Variants in SIX2 observed in about 807,000 individuals in gnomAD.
SIX2 encodes the protein SIX homeobox 2.
Under a neutral mutation model 22.8 loss-of-function variants are expected in SIX2, and 20 were observed. That is an observed-to-expected ratio of 0.88 (90% CI 0.62 to 1.28). The LOEUF (loss-of-function observed/expected upper bound fraction) is 1.28. Among genes scored for constraint, SIX2 ranks in the 50% most tolerant of loss-of-function variants. SIX2 has a pLI of 0.00. For missense variants in SIX2, 360 were observed against 400.0 expected (o/e 0.90, Z 0.85); for synonymous variants, 195 against 186.4 (o/e 1.05, Z -0.37).
chr2:45,009,019 C>G lies in SIX2; in HGVS notation c.92G>C (p.Gly31Ala). The change falls in exon 1 of 2, where the codon GGC becomes GCC. Residue 31 changes from glycine to alanine, a missense_variant. By Grantham distance (60) the Gly-to-Ala change is moderately conservative (BLOSUM62 0). Around this residue, in one of 3 missense-constraint regions of SIX2, gnomAD observed 118 missense variants for 135.1 expected, o/e 0.87. Transcript: ENST00000303077. ...LQQGGNIERL[G>A]RFLWSLPACE... is the part of the protein sequence containing the mutation. ...GGCGGGCAGCGACCACAGGAAGCGG[C>G]CCAGCCGCTCGATGTTGCCGCCCTG... is the stretch of plus-strand genomic sequence containing the variant. The G allele has an allele frequency of 1.2e-6, 2 of 1,610,806 alleles. No homozygotes were observed. Among genetic ancestry groups the G allele is most frequent in the Non-Finnish European group, 1.7e-6 (2 of 1,179,720 alleles).
chr2:45,006,132 C>T lies in SIX2; in HGVS notation c.*38G>A. On this transcript the variant is annotated 3_prime_UTR_variant, in exon 2 of 2. Transcript: ENST00000303077. The surrounding 1 kb of genome is among the most constrained non-coding windows in gnomAD (Gnocchi z 4.2). ...CACCGCCACTCCACGTCCCCAGTGT[C>T]AAGTCACAAAAGGCAAGCTCATCAA... The T allele has an allele frequency of 6.2e-7, 1 of 1,609,898 alleles. No homozygotes were observed. Among genetic ancestry groups the T allele is most frequent in the African/African-American group, 1.3e-5 (1 of 75,012 alleles).
At chr2:45,008,512 C>G in intron 1 of SIX2, 39 bp downstream of exon 1, 1 of 1,604,404 alleles carries the variant, frequency 6.2e-7, no homozygotes, top group African/African-American at 1.3e-5. Flanking sequence ...CCCTTGGGCC[C>G]CGGGGAGCTG....
At position 45,006,495 on chromosome 2, in the gene SIX2, C is replaced by T. The variant is rs371981797; in HGVS notation, c.561-10G>A. ...GTTCTCGTTGTTCTCCCTGCAAGTG[C>T]GGGAGCAAAGCAGCGGGGTCAGCAG... On this transcript the variant is annotated splice_polypyrimidine_tract_variant and intron_variant, in intron 1 of 1. Coordinates refer to ENST00000303077, the MANE Select transcript of SIX2 (RefSeq NM_016932.5). This position sits in a 1 kb window ranked among gnomAD's most constrained non-coding sequence, Gnocchi z 4.2. 36 of 1,611,482 alleles carry T rather than the reference C, an allele frequency of 2.2e-5. No individual in the cohort carries two copies. In the African/African-American group the frequency reaches 3.3e-4, roughly 15 times the overall value.
At chr2:45,007,075 C>T (rs1296061518) in intron 1 of SIX2, among the ~76,000 whole-genome samples, 5 of 152,210 alleles carry the variant, frequency 3.3e-5, no homozygotes, top group Non-Finnish European at 7.3e-5. Flanking sequence ...ACTGGGCAGC[C>T]CTGTGAGGGC....
Position 45,006,093 on chromosome 2 carries a change from G to T in SIX2, c.*77C>A. 6.6e-7 allele frequency: 1 copy of T among 1,520,922 alleles called. No homozygotes were observed. The highest frequency in any genetic ancestry group is 9.1e-7 in the Non-Finnish European group (1 of 1,095,194). 94.2% of individuals were successfully genotyped at this position (1,520,922 alleles called of 1,614,324 possible). On this transcript the variant is annotated 3_prime_UTR_variant, in exon 2 of 2. Coordinates refer to ENST00000303077, the MANE Select transcript of SIX2 (RefSeq NM_016932.5). This position sits in a 1 kb window ranked among gnomAD's most constrained non-coding sequence, Gnocchi z 4.2. Reference sequence around the variant, plus strand: ...CAGTACCTGGTGGGGCCGCAGGGGCGGGGCGCCCCTGGACACCGCCACTCC... The same window carrying T: ...CAGTACCTGGTGGGGCCGCAGGGGCTGGGCGCCCCTGGACACCGCCACTCC...
intron 1 of SIX2, among the ~76,000 whole-genome samples, chr2:45,008,129 T>C (rs1213475001): frequency 6.6e-6 from 1 of 152,188 alleles, no homozygotes; most frequent in African/African-American, 2.4e-5. Context: ...GGCCTGGAGC[T>C]AAGGCTGGGG....
At position 45,008,639 on chromosome 2, in the gene SIX2, C is replaced by A; in HGVS notation, c.472G>T (p.Ala158Ser). 3 of 1,614,064 alleles carry A rather than the reference C, an allele frequency of 1.9e-6. No individual in the cohort carries two copies. Among genetic ancestry groups the A allele is most frequent in the Non-Finnish European group, 2.5e-6 (3 of 1,179,970 alleles). The change falls in exon 1 of 2, where the codon GCG (alanine) becomes TCG (serine). Residue 158 changes from alanine to serine, a missense_variant. Ala to Ser is a moderately conservative substitution (Grantham distance 99). Coordinates refer to ENST00000303077, the MANE Select transcript of SIX2 (RefSeq NM_016932.5). ...YPSPREKREL[A>S]EATGLTTTQV... ...GTGGTGGTGAGGCCCGTGGCCTCCG[C>A]CAGCTCACGCTTCTCGCGGGGTGAA...
chr2:45,007,044 G>A (rs995604326), intron 1 of SIX2, among the ~76,000 whole-genome samples: 3 of 152,206 alleles, frequency 2.0e-5, no homozygotes, highest in South Asian at 2.1e-4. Context: ...GGGGCTAAGC[G>A]TCCTTTCCCT....
Position 45,008,929 on chromosome 2 carries a change from C to T in SIX2, c.182G>A (p.Gly61Asp). ...GATCTTGTAGAGCTCGCGGAAGTTG[C>T]CGCGGTGGAAGGCCACCACGGCCTT... ...KAKAVVAFHR[G>D]NFRELYKILE... The change falls in exon 1 of 2, where the codon GGC becomes GAC. Residue 61 changes from glycine to aspartate, a missense_variant. By Grantham distance (94) the Gly-to-Asp change is moderately conservative. Around this residue, in one of 3 missense-constraint regions of SIX2, gnomAD observed 118 missense variants for 135.1 expected, o/e 0.87. Transcript: ENST00000303077. The T allele has an allele frequency of 6.2e-7, 1 of 1,613,904 alleles. No homozygotes were observed. Among genetic ancestry groups the T allele is most frequent in the Non-Finnish European group, 8.5e-7 (1 of 1,179,970 alleles).
At position 45,006,580 on chromosome 2, in the gene SIX2, G is replaced by A; in HGVS notation, c.561-95C>T. 2.5e-6 allele frequency: 3 copies of A among 1,212,706 alleles called. No homozygotes were observed. Among genetic ancestry groups the A allele is most frequent in the Non-Finnish European group, 3.6e-6 (3 of 827,826 alleles). The allele number at this position is 1,212,706 out of a possible 1,614,324, so 75.1% of individuals were successfully genotyped here. A position where few individuals can be genotyped will look rare whatever the true frequency, so the allele number is the denominator to read the frequency against. ...AGTCAGAGCCAGCCACCAGCCTCGG[G>A]AGACAGATCCCGGGCTTGTGGCCTG... On this transcript the variant is annotated intron_variant, in intron 1 of 1. Transcript: ENST00000303077. The surrounding 1 kb of genome is among the most constrained non-coding windows in gnomAD (Gnocchi z 4.2).
chr2:45,008,991 G>A lies in SIX2; in HGVS notation c.120C>T (p.Cys40=). ...CGCTTTCATTCTTGTGAAGGTGCTC[G>A]CAGGCGGGCAGCGACCACAGGAAGC... ...LGRFLWSLPA[C]EHLHKNESVL... is the part of the protein sequence containing the mutation. The change falls in exon 1 of 2, where the codon TGC becomes TGT. Residue 40 remains cysteine (C), a synonymous_variant. Transcript: ENST00000303077. The A allele has an allele frequency of 1.2e-6, 2 of 1,612,540 alleles. No homozygotes were observed. The highest frequency in any genetic ancestry group is 2.2e-5 in the South Asian group (2 of 91,078).
chr2:45,008,692 C>G lies in SIX2; in HGVS notation c.419G>C (p.Arg140Pro). Residue 140 changes from arginine to proline, a missense_variant, in exon 1 of 2, where the codon CGC becomes CCC. Arg to Pro is a moderately radical substitution (Grantham distance 103). This residue lies in a region of SIX2 where 235 missense variants were observed against 231.9 expected (regional missense o/e 1.01). Transcript: ENST00000303077. Reference protein sequence around the residue: ...CFKEKSRSVLREWYAHNPYPS... With the variant: ...CFKEKSRSVLPEWYAHNPYPS... Reference sequence around the variant, plus strand: ...GTAGGGGTTGTGCGCGTACCACTCGCGCAGCACGCTGCGACTCTTTTCCTT... The same window carrying G: ...GTAGGGGTTGTGCGCGTACCACTCGGGCAGCACGCTGCGACTCTTTTCCTT... 6.2e-7 allele frequency: 1 copy of G among 1,614,080 alleles called. No homozygotes were observed. The highest frequency in any genetic ancestry group is 8.5e-7 in the Non-Finnish European group (1 of 1,179,972).
chr2:45,005,798 AAGAC>A lies in SIX2; in HGVS notation c.*368_*371del, dbSNP rs560138698. 1.7e-4 allele frequency: 63 copies of A among 371,850 alleles called. No individual in the cohort carries two copies. Among genetic ancestry groups the A allele is most frequent in the African/African-American group, 1.2e-3 (59 of 48,378 alleles). 23.0% of individuals were successfully genotyped at this position (371,850 alleles called of 1,614,324 possible). On this transcript the variant is annotated 3_prime_UTR_variant, in exon 2 of 2. Coordinates refer to ENST00000303077, the MANE Select transcript of SIX2 (RefSeq NM_016932.5). ...GGAAAGCAATACAAGGAGAGGGAGA[AAGAC>A]AGAAAGCAGAAAAAAGAAAAGAGAA...
At position 45,006,174 on chromosome 2, in the gene SIX2, G is replaced by A. The variant is rs988414365; in HGVS notation, c.872C>T (p.Ser291Phe). The part of the protein sequence containing the change: ...PMSANLVDLG[S>F] The stretch of plus-strand genomic sequence containing the variant: ...GCTCATCAAGGCAAATGGGTTCTAG[G>A]AGCCCAGGTCCACGAGGTTGGCTGA... The change falls in exon 2 of 2, where the codon TCC becomes TTC. Residue 291 changes from serine to phenylalanine, a missense_variant. Coordinates refer to ENST00000303077, the MANE Select transcript of SIX2 (RefSeq NM_016932.5). The surrounding 1 kb of genome is among the most constrained non-coding windows in gnomAD (Gnocchi z 4.2). 4 of 1,614,102 alleles carry A rather than the reference G, an allele frequency of 2.5e-6. No individual in the cohort carries two copies. The African/African-American group carries it at 4.0e-5, about 16-fold the overall frequency.
rs1667753085 is a variant in SIX2, at chr2:45,006,243, A to G, written c.803T>C (p.Leu268Pro). The stretch of plus-strand genomic sequence containing the variant: ...GTCCTGCAGGCCATGGTGGTGTTGC[A>G]GTGGGTCCGCTCCACCTCCGCCTGG... ...PVPGGGGADPLQHHHGLQDSI... is the reference protein window; with the variant it reads ...PVPGGGGADPPQHHHGLQDSI... The change falls in exon 2 of 2, where the codon CTG becomes CCG. Residue 268 changes from leucine to proline, a missense_variant. By Grantham distance (98) the Leu-to-Pro change is moderately conservative. Transcript: ENST00000303077. The surrounding 1 kb of genome is among the most constrained non-coding windows in gnomAD (Gnocchi z 4.2). The G allele has an allele frequency of 2.5e-6, 4 of 1,614,062 alleles. No homozygotes were observed. The highest frequency in any genetic ancestry group is 3.4e-6 in the Non-Finnish European group (4 of 1,180,018).
chr2:45,005,444 C>T lies in SIX2; in HGVS notation c.*726G>A, dbSNP rs1558439215. The T allele has an allele frequency of 6.6e-6, 1 of 152,462 alleles. No individual in the cohort carries two copies. Among genetic ancestry groups the T allele is most frequent in the Non-Finnish European group, 1.5e-5 (1 of 68,260 alleles). 9.4% of individuals were successfully genotyped at this position (152,462 alleles called of 1,614,324 possible). ...GCTTCTGTGGCGCTGCCCTTTCTCT[C>T]TCACTTAAGTTACTAGACGAAAAGC... On this transcript the variant is annotated 3_prime_UTR_variant, in exon 2 of 2. Coordinates refer to ENST00000303077, the MANE Select transcript of SIX2 (RefSeq NM_016932.5).
Position 45,009,037 on chromosome 2 carries a change from C to T in SIX2, c.74G>A (p.Gly25Asp), listed in dbSNP as rs779195505. Residue 25 changes from glycine to aspartate, a missense_variant, in exon 1 of 2, where the codon GGC (glycine) becomes GAC (aspartate). Physicochemically the swap from Gly to Asp is moderately conservative, Grantham distance 94. Transcript: ENST00000303077. The stretch of plus-strand genomic sequence containing the variant: ...GAAGCGGCCCAGCCGCTCGATGTTG[C>T]CGCCCTGCTGCAGCACCTCGCACAC... ...ACVCEVLQQGGNIERLGRFLW... is the reference protein window; with the variant it reads ...ACVCEVLQQGDNIERLGRFLW... 6.2e-7 allele frequency: 1 copy of T among 1,608,786 alleles called. No homozygotes were observed. The highest frequency in any genetic ancestry group is 1.7e-5 in the Admixed American group (1 of 59,910).
chr2:45,007,683 C>G (rs1459794170), intron 1 of SIX2, among the ~76,000 whole-genome samples: 1 of 152,150 alleles, frequency 6.6e-6, no homozygotes, highest in Middle Eastern at 3.2e-3. Flanking sequence ...GGATTCTGTT[C>G]CCATAATAAG....
Position 45,006,030 on chromosome 2 carries a change from C to G in SIX2, c.*140G>C. The G allele has an allele frequency of 1.2e-6, 1 of 868,604 alleles. No homozygotes were observed. Among genetic ancestry groups the G allele is most frequent in the Non-Finnish European group, 2.0e-6 (1 of 505,834 alleles). 53.8% of individuals were successfully genotyped at this position (868,604 alleles called of 1,614,324 possible). On this transcript the variant is annotated 3_prime_UTR_variant, in exon 2 of 2. Transcript: ENST00000303077. The surrounding 1 kb of genome is among the most constrained non-coding windows in gnomAD (Gnocchi z 4.2). Reference sequence around the variant, plus strand: ...GAACCAACATAGACAGCTATCTGCCCTACCCGGCTGTTCTACCCGCTCAGC... The same window carrying G: ...GAACCAACATAGACAGCTATCTGCCGTACCCGGCTGTTCTACCCGCTCAGC...
Sources: allele counts gnomAD v4.1 joint callset (sites outside exome capture counted in the v4.1 genomes callset), GRCh38; gene constraint gnomAD v4.1.1; regional missense constraint gnomAD v4.1.1; non-coding constraint Gnocchi (gnomAD v3.1); transcripts MANE v1.5; gene names NCBI Gene and HGNC (gene_info 2026-07-23, HGNC 2026-07-21).